The following NOMO3 variants were observed in gnomAD, a reference collection of about 807,000 sequenced individuals.
NOMO3 encodes the protein NODAL modulator 3, also known as BOS complex subunit NOMO3.
NOMO3 carries 15 observed loss-of-function variants against 69.9 expected under a neutral mutation model. The observed-to-expected ratio is 0.21, with a 90% CI of 0.14 to 0.33. The LOEUF (loss-of-function observed/expected upper bound fraction) is 0.33. Ranked by LOEUF, NOMO3 falls within the 10% of genes least tolerant of loss-of-function variation. The pLI, the probability that NOMO3 is intolerant of heterozygous loss-of-function variation, is 1.00. For synonymous variants in NOMO3, 89 were observed against 301.9 expected (o/e 0.29, Z 7.31); for missense variants, 218 against 761.0 (o/e 0.29, Z 8.39).
chr16:16,249,811 G>A lies in NOMO3; in HGVS notation c.583-1117G>A, dbSNP rs967325522. ...GTGTGAGGGCACTTCTGGCTTGCTG[G>A]TGCTATTCTGTTGGGTAATCAGTGC... On this transcript the variant is annotated intron_variant, in intron 6 of 30. Transcript: ENST00000399336. Among the ~76,000 whole-genome samples the A allele has an allele frequency of 8.4e-5, 12 of 143,608 alleles. 2 individuals are homozygous for A. Among genetic ancestry groups the A allele is most frequent in the African/African-American group, 3.4e-4 (12 of 35,094 alleles). 94.2% of individuals were successfully genotyped at this position (143,608 alleles called of 152,430 possible).
chr16:16,260,798 G>A (rs2049558044), intron 11 of NOMO3: 1 of 142,498 alleles, frequency 7.0e-6, no homozygotes, highest in Non-Finnish European at 1.5e-5. Flanking sequence ...GATGATGGTC[G>A]TTGTAGGGGG....
In NOMO3 at chr16:16,252,828, A is replaced by ATT. The variant is rs1180588275; in HGVS notation, c.963+328_963+329dup. ...AAAAATTCTTGTCCCTGTGGACCTCATTTTTTTTTTTTTTTTTTTTTTTAA... is the reference window on the plus strand; with the variant it reads ...AAAAATTCTTGTCCCTGTGGACCTCATTTTTTTTTTTTTTTTTTTTTTTTTAA... On this transcript the variant is annotated intron_variant, in intron 9 of 30. Coordinates refer to ENST00000399336, the MANE Select transcript of NOMO3 (RefSeq NM_001004067.4). Among the ~76,000 whole-genome samples the ATT allele has an allele frequency of 5.5e-3, 363 of 66,590 alleles. 6 individuals are homozygous for ATT. The highest frequency in any genetic ancestry group is 0.022 in the African/African-American group (289 of 12,882). The allele number at this position is 66,590 out of a possible 152,430, so 43.7% of individuals were successfully genotyped here.
Position 16,232,837 on chromosome 16 carries a change from C to A in NOMO3, c.165+6C>A. 2.8e-6 allele frequency: 1 copy of A among 356,964 alleles called. No homozygotes were observed. Among genetic ancestry groups the A allele is most frequent in the Non-Finnish European group, 4.0e-6 (1 of 248,344 alleles). The allele number at this position is 356,964 out of a possible 1,614,324, so 22.1% of individuals were successfully genotyped here. On this transcript the variant is annotated splice_donor_region_variant and intron_variant, in intron 1 of 30. Transcript: ENST00000399336. ...TCAACTACTCTCTCATCGAGGTGAG[C>A]GCCCGCCCCGCCGCCCGGCGCCGAG...
At chr16:16,258,252 CAA>C (rs1327197678) in intron 11 of NOMO3, among the ~76,000 whole-genome samples, 1 of 140,060 alleles carries the variant, frequency 7.1e-6, no homozygotes, top group Admixed American at 7.0e-5. Flanking sequence ...ACAAAAAAGA[CAA>C]ATACATTTAT....
intron 20 of NOMO3, among the ~76,000 whole-genome samples, chr16:16,274,292 T>TGGAA (rs1476869502): frequency 7.8e-6 from 1 of 128,202 alleles, no homozygotes. Context: ...GATGGATGGA[T>TGGAA]GGATGGATGA....
At chr16:16,253,401 A>C (rs2141253736) in intron 9 of NOMO3, among the ~76,000 whole-genome samples, 1 of 134,194 alleles carries the variant, frequency 7.5e-6, no homozygotes. Context: ...GACTGAGGGA[A>C]CGGCACGTGC....
At chr16:16,253,445 TG>T (rs1201326221) in intron 9 of NOMO3, among the ~76,000 whole-genome samples, 1 of 124,536 alleles carries the variant, frequency 8.0e-6, no homozygotes, top group Non-Finnish European at 1.6e-5. Flanking sequence ...CTGAAGGGTT[TG>T]GGGCATCCCA....
chr16:16,259,232 G>T (rs911620492), intron 11 of NOMO3, among the ~76,000 whole-genome samples: 1 of 144,590 alleles, frequency 6.9e-6, no homozygotes, highest in African/African-American at 2.8e-5. Context: ...TAGAGTATTT[G>T]GGTCAAAGAA....
chr16:16,232,810 G>T lies in NOMO3; in HGVS notation c.144G>T (p.Glu48Asp). ...GTGGCTTCGTCAAGTCGGACGTGGA[G>T]ATCAACTACTCTCTCATCGAGGTGA... ...GCGGFVKSDV[E>D]INYSLIEIKL... Residue 48 changes from glutamate to aspartate, a missense_variant, in exon 1 of 31, where the codon GAG becomes GAT. Coordinates refer to ENST00000399336, the MANE Select transcript of NOMO3 (RefSeq NM_001004067.4). The T allele has an allele frequency of 2.1e-6, 1 of 486,856 alleles. No homozygotes were observed. The highest frequency in any genetic ancestry group is 6.6e-5 in the Admixed American group (1 of 15,192). 30.2% of individuals were successfully genotyped at this position (486,856 alleles called of 1,614,324 possible). A position where few individuals can be genotyped will look rare whatever the true frequency, so the allele number is the denominator to read the frequency against.
In NOMO3 at chr16:16,263,057, C is replaced by A; in HGVS notation, c.1396-17C>A. On this transcript the variant is annotated splice_polypyrimidine_tract_variant and intron_variant, in intron 12 of 30. Coordinates refer to ENST00000399336, the MANE Select transcript of NOMO3 (RefSeq NM_001004067.4). ...TCCCCGAATGCAGCCTCTAACGTTC[C>A]ATCCACGTTTCCGCAGGTGATGGTT... 1 of 1,594,514 alleles carries A rather than the reference C, an allele frequency of 6.3e-7. No homozygotes were observed. Among genetic ancestry groups the A allele is most frequent in the Non-Finnish European group, 8.5e-7 (1 of 1,177,632 alleles).
intron 1 of NOMO3, among the ~76,000 whole-genome samples, chr16:16,234,826 A>T (rs1429916419): frequency 1.3e-5 from 2 of 151,982 alleles, no homozygotes; most frequent in South Asian, 2.1e-4. Context: ...TGTTAAAAAA[A>T]AAAAAAATTA....
chr16:16,258,183 C>T (rs1341885690), intron 11 of NOMO3, among the ~76,000 whole-genome samples: 3 of 142,302 alleles, frequency 2.1e-5, no homozygotes, highest in Non-Finnish European at 4.5e-5. Flanking sequence ...AGTTTCATAA[C>T]CTGGTCTAAA....
In NOMO3 at chr16:16,259,409, C is replaced by T. The variant is rs1475081554; in HGVS notation, c.1221-2093C>T. Among the ~76,000 whole-genome samples the T allele has an allele frequency of 1.2e-4, 17 of 141,424 alleles. 2 individuals are homozygous for T. The highest frequency in any genetic ancestry group is 3.0e-4 in the African/African-American group (10 of 33,558). The allele number at this position is 141,424 out of a possible 152,430, so 92.8% of individuals were successfully genotyped here. A position where few individuals can be genotyped will look rare whatever the true frequency, so the allele number is the denominator to read the frequency against. On this transcript the variant is annotated intron_variant, in intron 11 of 30. Coordinates refer to ENST00000399336, the MANE Select transcript of NOMO3 (RefSeq NM_001004067.4). ...CGTTGCCCAGGCTGGAGTACGGTGGCGCCATCTCGGCTCACTGCAGCCTCC... is the reference window on the plus strand; with the variant it reads ...CGTTGCCCAGGCTGGAGTACGGTGGTGCCATCTCGGCTCACTGCAGCCTCC...
At chr16:16,270,491 G>T (rs919420164) in intron 17 of NOMO3, among the ~76,000 whole-genome samples, 5 of 49,452 alleles carry the variant, frequency 1.0e-4, no homozygotes, top group Non-Finnish European at 1.7e-4. Context: ...GTTCAAGTCT[G>T]CCATTTTTGT....
At chr16:16,238,907 G>C (rs1270358229) in intron 2 of NOMO3, among the ~76,000 whole-genome samples, 1 of 132,464 alleles carries the variant, frequency 7.5e-6, no homozygotes, top group African/African-American at 3.4e-5. Flanking sequence ...GTGCAACCCC[G>C]TCTCTACTAA....
intron 1 of NOMO3, among the ~76,000 whole-genome samples, chr16:16,235,128 G>A (rs2049316557): frequency 6.6e-6 from 1 of 151,256 alleles, no homozygotes. Flanking sequence ...GAATGAAGTT[G>A]TCACTGACCT....
At chr16:16,234,864 G>T (rs918117640) in intron 1 of NOMO3, among the ~76,000 whole-genome samples, 1 of 151,976 alleles carries the variant, frequency 6.6e-6, no homozygotes. Flanking sequence ...TTAACAATCA[G>T]CAGGTTTCAC....
At chr16:16,267,460 A>T in intron 16 of NOMO3, 1 of 364,264 alleles carries the variant, frequency 2.7e-6, no homozygotes, top group South Asian at 3.6e-5. Context: ...TTTGAGATGG[A>T]GTCTTGCTCT....
intron 1 of NOMO3, among the ~76,000 whole-genome samples, chr16:16,235,013 GA>G (rs951356594): frequency 1.3e-5 from 2 of 151,972 alleles, no homozygotes; most frequent in African/African-American, 4.8e-5. Flanking sequence ...CTAGTCTGGT[GA>G]ATTTCCAGTC....
Sources: allele counts gnomAD v4.1 joint callset (sites outside exome capture counted in the v4.1 genomes callset), GRCh38; gene constraint gnomAD v4.1.1; transcripts MANE v1.5; gene names NCBI Gene and HGNC (gene_info 2026-07-23, HGNC 2026-07-21).